Variants in NFIL3 observed in about 807,000 individuals in gnomAD.
NFIL3 encodes nuclear factor interleukin-3-regulated protein.
NFIL3 carries 5 observed loss-of-function variants against 10.0 expected under a neutral mutation model. The ratio of observed to expected loss-of-function variants is 0.50; its 90% CI spans 0.26 to 1.06. The LOEUF is 1.06. NFIL3 is among the 50% of genes least tolerant of loss of function. The pLI is 0.13. For missense variants in NFIL3, 436 were observed against 547.6 expected, an observed-to-expected ratio of 0.80 and a Z score of 2.03; for synonymous variants, 202 against 206.5, an observed-to-expected ratio of 0.98 and a Z score of 0.19.
the NFIL3 span, among the ~76,000 whole-genome samples, chr9:91,439,621 G>T: frequency 6.6e-6 from 1 of 151,970 alleles, no homozygotes; most frequent in African/African-American, 2.4e-5. Context: ...GTTTTTCTCT[G>T]TTGATTATGT....
chr9:91,436,576 TCAACAACAACAACAACAA>T, the NFIL3 span, among the ~76,000 whole-genome samples: 8 of 138,716 alleles, frequency 5.8e-5, no homozygotes, highest in African/African-American at 1.4e-4. Flanking sequence ...AGACTCTGCC[TCAACAACAACAACAACAA>T]CAACAACAAC....
chr9:91,410,677 T>C lies in NFIL3; in HGVS notation c.58A>G (p.Ser20Gly). 6.2e-7 allele frequency: 1 copy of C among 1,612,444 alleles called. No individual in the cohort carries two copies. Among genetic ancestry groups the C allele is most frequent in the Non-Finnish European group, 8.5e-7 (1 of 1,179,578 alleles). Residue 20 changes from serine (S) to glycine (G), a missense_variant, in exon 2 of 2, where the codon AGC (serine) becomes GGC (glycine). Ser to Gly is a moderately conservative substitution (Grantham distance 56). Transcript: ENST00000297689. This position sits in a 1 kb window ranked among gnomAD's most constrained non-coding sequence, Gnocchi z 5.7. ...AGGACCATCATCTTGTCCACATTGC[T>C]ACTGGCATCAAGAGACGCCTGCTCC... ...KKEQASLDAS[S>G]NVDKMMVLNS... is the part of the protein sequence containing the mutation.
upstream of NFIL3, among the ~76,000 whole-genome samples, chr9:91,425,203 T>C (rs1833857800): frequency 6.6e-6 from 1 of 152,168 alleles, no homozygotes; most frequent in Non-Finnish European, 1.5e-5. Flanking sequence ...CTCCTTTCGT[T>C]TTTAAAAAGC....
the NFIL3 span, among the ~76,000 whole-genome samples, chr9:91,477,473 T>G: frequency 6.6e-6 from 1 of 152,190 alleles, no homozygotes; most frequent in East Asian, 1.9e-4. Flanking sequence ...AAATCCCTTC[T>G]GCAGTGTAAC....
chr9:91,439,487 A>G, the NFIL3 span, among the ~76,000 whole-genome samples: 1 of 151,826 alleles, frequency 6.6e-6, no homozygotes, highest in African/African-American at 2.4e-5. Context: ...TTCCTTTCTA[A>G]TTGCCTTTTA....
the NFIL3 span, among the ~76,000 whole-genome samples, chr9:91,449,334 C>T: frequency 6.6e-5 from 10 of 152,124 alleles, no homozygotes; most frequent in East Asian, 1.9e-4. Flanking sequence ...ATGTTAGCTG[C>T]GGGTTTTTCG....
intron 1 of NFIL3, among the ~76,000 whole-genome samples, chr9:91,422,160 C>T (rs1285367923): frequency 6.6e-6 from 1 of 152,166 alleles, no homozygotes; most frequent in Admixed American, 6.5e-5. Context: ...CCTTTAAAAA[C>T]ATAAATGGGA....
the NFIL3 span, among the ~76,000 whole-genome samples, chr9:91,430,824 T>G: frequency 3.9e-5 from 6 of 151,950 alleles, no homozygotes; most frequent in Non-Finnish European, 8.8e-5. Flanking sequence ...TAAAAAACAT[T>G]TTGTAGAGGC....
At chr9:91,417,236 ACT>A (rs34408334) in intron 1 of NFIL3, among the ~76,000 whole-genome samples, 8,625 of 152,002 alleles carry the variant, frequency 0.057, 307 homozygotes, top group Middle Eastern at 0.14. Flanking sequence ...TTTTCCCTCT[ACT>A]CTCTGAATGT....
chr9:91,423,128 C>T (rs1240716439), intron 1 of NFIL3, among the ~76,000 whole-genome samples: 1 of 152,160 alleles, frequency 6.6e-6, no homozygotes, highest in Non-Finnish European at 1.5e-5. Context: ...AGGCATTCTC[C>T]GAATGCCGTC....
the NFIL3 span, among the ~76,000 whole-genome samples, chr9:91,454,148 C>T: frequency 6.6e-6 from 1 of 150,556 alleles, no homozygotes; most frequent in Non-Finnish European, 1.5e-5. Context: ...GCAGGAGAAT[C>T]GCTTGAACCC....
At chr9:91,466,026 G>C in the NFIL3 span, among the ~76,000 whole-genome samples, 2 of 151,580 alleles carry the variant, frequency 1.3e-5, no homozygotes, top group South Asian at 4.2e-4. Flanking sequence ...CAGTAGATCT[G>C]TGTGTGTGTG....
chr9:91,457,354 CTTG>C, the NFIL3 span, among the ~76,000 whole-genome samples: 3 of 152,046 alleles, frequency 2.0e-5, no homozygotes, highest in East Asian at 5.8e-4. Context: ...GCTGTAAACA[CTTG>C]TTATCTCTGC....
chr9:91,480,594 T>TA, the NFIL3 span, among the ~76,000 whole-genome samples: 35 of 151,318 alleles, frequency 2.3e-4, no homozygotes, highest in Admixed American at 2.6e-4. Context: ...TAGAAAACAC[T>TA]AAAAAAAAGG....
the NFIL3 span, among the ~76,000 whole-genome samples, chr9:91,473,081 T>G: frequency 6.6e-6 from 1 of 152,218 alleles, no homozygotes; most frequent in Non-Finnish European, 1.5e-5. Context: ...CCATGGAAGC[T>G]GCATCTCAGA....
chr9:91,450,376 A>G, the NFIL3 span, among the ~76,000 whole-genome samples: 35 of 152,282 alleles, frequency 2.3e-4, no homozygotes, highest in African/African-American at 7.7e-4. Flanking sequence ...TCTTTCATGC[A>G]TCCCATAAGT....
intron 1 of NFIL3, among the ~76,000 whole-genome samples, chr9:91,420,451 A>C: frequency 6.6e-6 from 1 of 151,948 alleles, no homozygotes; most frequent in South Asian, 2.1e-4. Flanking sequence ...CAACCAACTA[A>C]GTCAACAGGT....
rs138527025 is a variant in NFIL3 at position 91,409,914 on chromosome 9, G to A, written c.821C>T (p.Thr274Met). 192 of 1,613,800 alleles carry A rather than the reference G, an allele frequency of 1.2e-4. No individual in the cohort carries two copies. The highest frequency in any genetic ancestry group is 1.6e-4 in the Middle Eastern group (1 of 6,084). The change falls in exon 2 of 2, where the codon ACG becomes ATG. Residue 274 changes from threonine (T) to methionine (M), a missense_variant. Around this residue, in one of 3 missense-constraint regions of NFIL3, gnomAD observed 338 missense variants for 399.9 expected, o/e 0.85. Transcript: ENST00000297689. ...VNRSSSNSPR[T>M]SETDDGVVGK... ...TACCACACCATCATCAGTTTCCGAC[G>A]TTCTCGGGGAGTTGCTGGAGGATCG...
chr9:91,417,800 G>A (rs2440591), intron 1 of NFIL3, among the ~76,000 whole-genome samples: 10,560 of 151,906 alleles, frequency 0.07, 456 homozygotes, highest in Admixed American at 0.097. Flanking sequence ...CAGGCAAGAC[G>A]CACACACACA....
Sources: allele counts gnomAD v4.1 joint callset (sites outside exome capture counted in the v4.1 genomes callset), GRCh38; gene constraint gnomAD v4.1.1; regional missense constraint gnomAD v4.1.1; non-coding constraint Gnocchi (gnomAD v3.1); transcripts MANE v1.5; gene names NCBI Gene and HGNC (gene_info 2026-07-23, HGNC 2026-07-21).